ABCC8: variants seen among roughly 807,000 people sequenced by gnomAD.
ABCC8 encodes the protein ATP binding cassette subfamily C member 8, also known as ATP-binding cassette sub-family C member 8.
ABCC8 carries 137 observed loss-of-function variants against 188.0 expected under a neutral mutation model. The observed-to-expected ratio is 0.73, with a 90% CI of 0.63 to 0.84. The LOEUF is 0.84. ABCC8 is among the 40% of genes least tolerant of loss of function. ABCC8 has a pLI of 0.00. For synonymous variants in ABCC8, 797 were observed against 846.5 expected (o/e 0.94, Z 1.01); for missense variants, 1,750 against 2,072.7 (o/e 0.84, Z 3.02).
At chr11:17,435,752 T>G (rs1956065511) in intron 10 of ABCC8, 1 of 1,347,184 alleles carries the variant, frequency 7.4e-7, no homozygotes, top group Non-Finnish European at 1.1e-6. Context: ...TGGGGAATCT[T>G]CAGGCCTTTT....
At chr11:17,457,669 C>T (rs1033359997) in intron 6 of ABCC8, among the ~76,000 whole-genome samples, 2 of 152,246 alleles carry the variant, frequency 1.3e-5, no homozygotes, top group Non-Finnish European at 2.9e-5. Flanking sequence ...CCAGCTTTCC[C>T]TGGGGAGTGG....
At chr11:17,410,706 AG>A in intron 21 of ABCC8, 53 bp from the exon 22 acceptor site, 2 of 1,611,284 alleles carry the variant, frequency 1.2e-6, no homozygotes, top group Non-Finnish European at 1.7e-6. Context: ...CATGGTGGGG[AG>A]GGGTGACAAT....
chr11:17,414,065 C>T (rs1954946216), intron 19 of ABCC8, among the ~76,000 whole-genome samples: 1 of 152,168 alleles, frequency 6.6e-6, no homozygotes, highest in South Asian at 2.1e-4. Context: ...GTGGGAATAA[C>T]AATAATATCT....
At chr11:17,394,932 C>A (rs536326613) in intron 36 of ABCC8, among the ~76,000 whole-genome samples, 2 of 152,278 alleles carry the variant, frequency 1.3e-5, no homozygotes, top group African/African-American at 4.8e-5. Flanking sequence ...TCACAAGGAT[C>A]CCTGACTGTA....
At chr11:17,396,258 G>A (rs1372870636) in intron 33 of ABCC8, 2 of 466,102 alleles carry the variant, frequency 4.3e-6, no homozygotes, top group Non-Finnish European at 7.9e-6. Context: ...TGTGGCAGGA[G>A]GACACAGGGG....
At chr11:17,395,982 T>C in intron 33 of ABCC8, 52 bp from the exon 34 acceptor site, 1 of 1,551,740 alleles carries the variant, frequency 6.4e-7, no homozygotes, top group Admixed American at 2.0e-5. Context: ...CTGCTGGGAA[T>C]AGCCTCTATG....
At chr11:17,461,297 TG>T in intron 5 of ABCC8, 2 of 504,730 alleles carry the variant, frequency 4.0e-6, no homozygotes, top group Non-Finnish European at 7.2e-6. Context: ...GAGAGTCCAG[TG>T]GGGTCACTTC....
At chr11:17,429,443 T>G (rs1286276950) in intron 12 of ABCC8, 3 of 152,336 alleles carry the variant, frequency 2.0e-5, no homozygotes, top group Non-Finnish European at 2.9e-5. Flanking sequence ...TCTGCCTTCA[T>G]GCCCTGTCCA....
At chr11:17,430,683 G>T in intron 12 of ABCC8, 131 bp downstream of exon 12, 1 of 1,118,466 alleles carries the variant, frequency 8.9e-7, no homozygotes, top group Non-Finnish European at 1.4e-6. Context: ...ACCAGGACCA[G>T]CTACAGCAAG....
intron 30 of ABCC8, 111 bp downstream of exon 30, chr11:17,398,228 T>G (rs1954045605): frequency 1.4e-6 from 2 of 1,393,522 alleles, no homozygotes; most frequent in Admixed American, 1.9e-5. Flanking sequence ...GAAGGCTTGG[T>G]GTCCACACGA....
Position 17,399,642 on chromosome 11 carries a change from A to G in ABCC8, c.3651-1201T>C, listed in dbSNP as rs1196536906. On this transcript the variant is annotated intron_variant, in intron 29 of 38. Coordinates refer to ENST00000389817, the MANE Select transcript of ABCC8 (RefSeq NM_000352.6). ...ATTGTCTGCAACCTGTTTGCTCCAC[A>G]GTATCTGCTGTACATGCATTTCTCT... Among the ~76,000 whole-genome samples the G allele has an allele frequency of 4.6e-5, 7 of 152,350 alleles. 1 individual carries two copies. The highest frequency in any genetic ancestry group is 1.7e-4 in the African/African-American group (7 of 41,582).
rs1954394430 is a variant in ABCC8, at chr11:17,404,269, G to A, written c.3557+243C>T. Among the ~76,000 whole-genome samples, 1 of 152,216 alleles carries A rather than the reference G, an allele frequency of 6.6e-6. No homozygotes were observed. Among genetic ancestry groups the A allele is most frequent in the Non-Finnish European group, 1.5e-5 (1 of 68,048 alleles). On this transcript the variant is annotated intron_variant, in intron 28 of 38. Coordinates refer to ENST00000389817, the MANE Select transcript of ABCC8 (RefSeq NM_000352.6). This position sits in a 1 kb window ranked among gnomAD's most constrained non-coding sequence, Gnocchi z 4.7. Reference sequence around the variant, plus strand: ...CATTTATCATGACCTAGCAATTCCAGTCCTGACCATATCGCCCAAGGAAAT... The same window carrying A: ...CATTTATCATGACCTAGCAATTCCAATCCTGACCATATCGCCCAAGGAAAT...
At chr11:17,470,326 A>G in intron 2 of ABCC8, 104 bp from the exon 3 acceptor site, 1 of 1,575,068 alleles carries the variant, frequency 6.3e-7, no homozygotes. Flanking sequence ...CCTTTATAGC[A>G]TCACTTTATA....
At chr11:17,470,374 T>C (rs893633255) in intron 2 of ABCC8, 152 bp from the exon 3 acceptor site, 25 of 1,375,614 alleles carry the variant, frequency 1.8e-5, no homozygotes, top group Non-Finnish European at 2.1e-5. Flanking sequence ...GTATTTGGGG[T>C]ATGGGCTGGG....
chr11:17,474,899 T>A lies in ABCC8; in HGVS notation c.277A>T (p.Ile93Phe). ...FVLVCEIAEGILSDGVTESHH... is the reference protein window; with the variant it reads ...FVLVCEIAEGFLSDGVTESHH... ...ACAGTCACTCACCCATCAGACAGGA[T>A]GCCCTCTGCAATCTCACACACCAGG... Residue 93 changes from isoleucine to phenylalanine, a missense_variant, in exon 2 of 39, where the codon ATC becomes TTC. Ile to Phe is a conservative substitution (Grantham distance 21). Transcript: ENST00000389817. 6.2e-7 allele frequency: 1 copy of A among 1,614,086 alleles called. No individual in the cohort carries two copies. Among genetic ancestry groups the A allele is most frequent in the Non-Finnish European group, 8.5e-7 (1 of 1,180,036 alleles).
intron 10 of ABCC8, among the ~76,000 whole-genome samples, chr11:17,433,906 C>T (rs976694900): frequency 2.0e-5 from 3 of 152,170 alleles, no homozygotes; most frequent in African/African-American, 7.2e-5. Flanking sequence ...GTTTCCAGGG[C>T]CCACTACCAT....
chr11:17,421,800 C>T (rs1268413077), intron 16 of ABCC8, among the ~76,000 whole-genome samples: 2 of 152,198 alleles, frequency 1.3e-5, no homozygotes, highest in Non-Finnish European at 2.9e-5. Flanking sequence ...ATACTGCTCA[C>T]GTGGTCACTG....
Position 17,404,768 on chromosome 11 carries a change from T to A in ABCC8, c.3400-99A>T, listed in dbSNP as rs1314486080. 3 of 1,510,736 alleles carry A rather than the reference T, an allele frequency of 2.0e-6. No individual in the cohort carries two copies. Among genetic ancestry groups the A allele is most frequent in the Non-Finnish European group, 2.7e-6 (3 of 1,115,138 alleles). The allele number at this position is 1,510,736 out of a possible 1,614,324, so 93.6% of individuals were successfully genotyped here. ...GTTTTGCTCTCACTTTATTTTTTGA[T>A]CCTTTATTTTTTTGAGACTGAGTCT... On this transcript the variant is annotated intron_variant, in intron 27 of 38. Transcript: ENST00000389817. This position sits in a 1 kb window ranked among gnomAD's most constrained non-coding sequence, Gnocchi z 4.7.
At chr11:17,396,031 G>C in intron 33 of ABCC8, 101 bp from the exon 34 acceptor site, 1 of 1,535,580 alleles carries the variant, frequency 6.5e-7, no homozygotes, top group Non-Finnish European at 8.8e-7. Flanking sequence ...GAGGTCACAG[G>C]GTATCTTTTT....
Sources: gnomAD v4.1 joint callset for allele counts (sites outside exome capture counted in the v4.1 genomes callset) on GRCh38, gnomAD v4.1.1 for gene constraint, Gnocchi (gnomAD v3.1) non-coding constraint, MANE v1.5 for transcripts, NCBI Gene and HGNC (gene_info 2026-07-23, HGNC 2026-07-21) for gene names.